NEK5: variants seen among roughly 807,000 people sequenced by gnomAD.
NEK5 encodes the protein NIMA related kinase 5.
A neutral mutation model predicts 109.2 loss-of-function variants in NEK5; 88 were observed. The ratio of observed to expected loss-of-function variants is 0.81; its 90% confidence interval spans 0.68 to 0.96. The LOEUF (loss-of-function observed/expected upper bound fraction) is 0.96, where lower values mean the gene tolerates loss of function less well. Ranked by LOEUF, NEK5 falls within the 40% of genes least tolerant of loss-of-function variation. NEK5 has a pLI of 0.00. For missense variants in NEK5, 834 were observed against 920.7 expected (o/e 0.91, Z 1.22); for synonymous variants, 283 against 299.9 (o/e 0.94, Z 0.58).
In NEK5 at chr13:52,127,465, C is replaced by CA. The variant is rs1339341540; in HGVS notation, c.17dup (p.Ile7AspfsTer2). 9.3e-6 allele frequency: 15 copies of CA among 1,604,594 alleles called. No individual in the cohort carries two copies. The highest frequency in any genetic ancestry group is 1.3e-5 in the Non-Finnish European group (15 of 1,171,426). On this transcript the variant is annotated frameshift_variant, in exon 3 of 24. Transcript: ENST00000684899. LOFTEE classifies it high-confidence loss of function. ...AGGCACCTTGCCCGATGGCCTTAATCACATCGTACTTATCCATGGTCTCCA... is the reference window on the plus strand; with the variant it reads ...AGGCACCTTGCCCGATGGCCTTAATCAACATCGTACTTATCCATGGTCTCCA...
chr13:52,063,707 C>T (rs1162687866), intron 21 of NEK5, among the ~76,000 whole-genome samples: 6 of 146,552 alleles, frequency 4.1e-5, no homozygotes, highest in South Asian at 4.4e-4. Flanking sequence ...ATGTGAGAAG[C>T]GCCTCTGCCC....
rs1955324551 is a variant in NEK5, at chr13:52,093,056, T to C, written c.1206A>G (p.Gln402=). 1.9e-6 allele frequency: 3 copies of C among 1,605,428 alleles called. No homozygotes were observed. The highest frequency in any genetic ancestry group is 1.1e-5 in the South Asian group (1 of 90,494). ...CTTAAGCTAGACCACAATATTACCATTGACTTGGGGATGGACCATGCCTCG... is the reference window on the plus strand; with the variant it reads ...CTTAAGCTAGACCACAATATTACCACTGACTTGGGGATGGACCATGCCTCG... ...QETRHGPSPS[Q]WPAEYLQRKF... The change falls in exon 13 of 24, where the codon CAA becomes CAG. Residue 402 remains glutamine (Q), a splice_region_variant and synonymous_variant. Transcript: ENST00000684899.
chr13:52,095,980 A>C (rs1481231754), intron 12 of NEK5, among the ~76,000 whole-genome samples: 2 of 152,046 alleles, frequency 1.3e-5, no homozygotes, highest in Admixed American at 6.6e-5. Flanking sequence ...TGTTCTTGTG[A>C]TAGTGAGTGA....
At chr13:52,048,749 CACTA>C (rs1383838416) in intron 23 of NEK5, among the ~76,000 whole-genome samples, 3 of 152,132 alleles carry the variant, frequency 2.0e-5, no homozygotes, top group Non-Finnish European at 1.5e-5. Context: ...TGTATGAGCT[CACTA>C]ACGTGGAATC....
At chr13:52,128,695 G>A (rs1200597853) in intron 1 of NEK5, among the ~76,000 whole-genome samples, 2 of 152,106 alleles carry the variant, frequency 1.3e-5, no homozygotes, top group African/African-American at 2.4e-5. Flanking sequence ...GTGACTCGCC[G>A]GGAACTGAGG....
At chr13:52,087,666 C>A (rs536321334) in intron 14 of NEK5, among the ~76,000 whole-genome samples, 1 of 152,230 alleles carries the variant, frequency 6.6e-6, no homozygotes, top group African/African-American at 2.4e-5. Context: ...CACTCTGTCA[C>A]CCAGGCTGGA....
At chr13:52,127,849 G>A (rs1159995214) in intron 1 of NEK5, among the ~76,000 whole-genome samples, 187 bp from the exon 2 acceptor site, 3 of 152,142 alleles carry the variant, frequency 2.0e-5, no homozygotes, top group Non-Finnish European at 1.5e-5. Context: ...CCGGTGTTTC[G>A]CACCTTTATA....
intron 16 of NEK5, among the ~76,000 whole-genome samples, chr13:52,083,595 G>C (rs1955058950): frequency 6.6e-6 from 1 of 151,480 alleles, no homozygotes; most frequent in Non-Finnish European, 1.5e-5. Flanking sequence ...GGAGTGCAGT[G>C]GTGCGATCTT....
chr13:52,102,083 AAAACTT>A lies in NEK5; in HGVS notation c.810+3_810+8del, dbSNP rs1955547470. 3 of 1,613,490 alleles carry A rather than the reference AAAACTT, an allele frequency of 1.9e-6. No individual in the cohort carries two copies. The highest frequency in any genetic ancestry group is 2.5e-6 in the Non-Finnish European group (3 of 1,179,530). Reference sequence around the variant, plus strand: ...CTGCCAAAATCCAAACAGTCACCTCAAAACTTACCTCAGGAGTCAAATATTTGGGAA... The same window carrying A: ...CTGCCAAAATCCAAACAGTCACCTCAACCTCAGGAGTCAAATATTTGGGAA... On this transcript the variant is annotated splice_donor_5th_base_variant and intron_variant, in intron 10 of 23. Coordinates refer to ENST00000684899, the MANE Select transcript of NEK5 (RefSeq NM_001365552.1).
intron 5 of NEK5, 97 bp from the exon 6 acceptor site, chr13:52,110,674 A>G: frequency 1.5e-6 from 1 of 679,340 alleles, no homozygotes; most frequent in African/African-American, 1.8e-5. Context: ...ATACACACAC[A>G]CACACACACA....
intron 17 of NEK5, among the ~76,000 whole-genome samples, chr13:52,081,749 CTT>C (rs1955017802): frequency 6.6e-6 from 1 of 152,158 alleles, no homozygotes; most frequent in African/African-American, 2.4e-5. Context: ...CTGATACAAA[CTT>C]TTTGAGGCTT....
At chr13:52,108,493 A>G in intron 7 of NEK5, 89 bp from the exon 8 acceptor site, 1 of 754,670 alleles carries the variant, frequency 1.3e-6, no homozygotes, top group Non-Finnish European at 2.2e-6. Context: ...AAAAAATGTG[A>G]AAATGGATAA....
chr13:52,075,820 C>G lies in NEK5; in HGVS notation c.1660G>C (p.Val554Leu), dbSNP rs1304869138. 2.6e-6 allele frequency: 4 copies of G among 1,553,648 alleles called. No individual in the cohort carries two copies. In the African/African-American group the frequency reaches 5.5e-5, roughly 21 times the overall value. Residue 554 changes from valine to leucine, a missense_variant, in exon 19 of 24, where the codon GTA becomes CTA. This residue lies in a region of NEK5 where 777 missense variants were observed against 824.7 expected (regional missense o/e 0.94). Transcript: ENST00000684899. ...TTGTCTAAATTAATTTCAAATTTTA[C>G]CCCCTTCTAGGAGAAAGCAAAAAAA... Reference protein sequence around the residue: ...PEQKYKAKKGVKFEINLDKCI... With the variant: ...PEQKYKAKKGLKFEINLDKCI...
chr13:52,099,670 A>C, intron 12 of NEK5, 73 bp downstream of exon 12: 1 of 1,392,316 alleles, frequency 7.2e-7, no homozygotes, highest in Admixed American at 2.0e-5. Flanking sequence ...CTCCGTCTCA[A>C]AACAAACAAA....
At chr13:52,062,419 T>C (rs988511316) in intron 21 of NEK5, among the ~76,000 whole-genome samples, 1 of 151,922 alleles carries the variant, frequency 6.6e-6, no homozygotes, top group Non-Finnish European at 1.5e-5. Flanking sequence ...CTCTTCTTTT[T>C]TTTCTTTCTT....
chr13:52,079,773 G>A (rs938762255), intron 17 of NEK5, among the ~76,000 whole-genome samples: 61 of 135,136 alleles, frequency 4.5e-4, no homozygotes, highest in African/African-American at 1.5e-3. Flanking sequence ...CGTCTGGGAC[G>A]TGAGGAGCCC....
At chr13:52,083,228 A>G (rs1313858814) in intron 17 of NEK5, 32 bp downstream of exon 17, 1 of 1,433,810 alleles carries the variant, frequency 7.0e-7, no homozygotes, top group Non-Finnish European at 9.8e-7. Flanking sequence ...CACACACTGC[A>G]AGCACACACA....
At chr13:52,086,183 C>A (rs896157453) in intron 16 of NEK5, 94 bp downstream of exon 16, 15 of 868,864 alleles carry the variant, frequency 1.7e-5, no homozygotes, top group Non-Finnish European at 2.7e-5. Flanking sequence ...AAAACTTTAT[C>A]TTTTCTATAA....
In NEK5 at chr13:52,099,853, A is replaced by T; in HGVS notation, c.916T>A (p.Phe306Ile). Reference protein sequence around the residue: ...VQKCKIQKVRFQGKCPPRSRI... With the variant: ...VQKCKIQKVRIQGKCPPRSRI... ...GATCTTGGTGGGCACTTTCCCTGGA[A>T]TCTCACTTTTTGTATTTTACACTCT... is the stretch of plus-strand genomic sequence containing the variant. Residue 306 changes from phenylalanine (F) to isoleucine (I), a missense_variant, in exon 12 of 24, where the codon TTC becomes ATC. This residue lies in a region of NEK5 where 777 missense variants were observed against 824.7 expected (regional missense o/e 0.94). Transcript: ENST00000684899. 4 of 1,613,762 alleles carry T rather than the reference A, an allele frequency of 2.5e-6. No individual in the cohort carries two copies. The highest frequency in any genetic ancestry group is 3.4e-6 in the Non-Finnish European group (4 of 1,179,764).
Sources: gnomAD v4.1 joint callset for allele counts (sites outside exome capture counted in the v4.1 genomes callset) on GRCh38, gnomAD v4.1.1 for gene constraint, gnomAD v4.1.1 regional missense constraint, MANE v1.5 for transcripts, NCBI Gene and HGNC (gene_info 2026-07-23, HGNC 2026-07-21) for gene names.